Variants in NUAK1 observed in about 807,000 individuals in gnomAD.
NUAK1 encodes the protein NUAK family SNF1-like kinase 1.
Under a neutral mutation model 56.9 loss-of-function variants are expected in NUAK1, and 26 were observed. The observed-to-expected ratio is 0.46, with a 90% confidence interval of 0.33 to 0.63. The LOEUF (loss-of-function observed/expected upper bound fraction) is 0.63. NUAK1 is among the 30% of genes least tolerant of loss of function. NUAK1 has a pLI of 0.02. For synonymous variants in NUAK1, 337 were observed against 336.0 expected (o/e 1.00, Z -0.03); for missense variants, 727 against 876.1 (o/e 0.83, Z 2.15).
At chr12:106,084,143 T>C in intron 3 of NUAK1, 1 of 567,906 alleles carries the variant, frequency 1.8e-6, no homozygotes, top group Non-Finnish European at 3.2e-6. Flanking sequence ...ATTAGTCACT[T>C]GCTGTGTGGT....
intron 1 of NUAK1, among the ~76,000 whole-genome samples, chr12:106,108,471 C>T (rs553757372): frequency 6.6e-6 from 1 of 151,846 alleles, no homozygotes; most frequent in African/African-American, 2.4e-5. Flanking sequence ...TCACCACAGC[C>T]CCATTCAGTA....
At chr12:106,131,418 C>T (rs1407610614) in intron 1 of NUAK1, among the ~76,000 whole-genome samples, 3 of 152,206 alleles carry the variant, frequency 2.0e-5, no homozygotes. Context: ...GTGGACATTA[C>T]ATACAAATGG....
chr12:106,129,986 T>TTC (rs1555224873), intron 1 of NUAK1, among the ~76,000 whole-genome samples: 5 of 152,062 alleles, frequency 3.3e-5, no homozygotes, highest in African/African-American at 1.2e-4. Context: ...CCTTTTTTTT[T>TTC]TCTCTCTCTC....
intron 2 of NUAK1, among the ~76,000 whole-genome samples, chr12:106,090,080 A>G (rs1300736743): frequency 1.3e-5 from 2 of 152,134 alleles, no homozygotes; most frequent in South Asian, 2.1e-4. Flanking sequence ...GGCCATTTCA[A>G]TCCTCCTATT....
chr12:106,072,806 T>A lies in NUAK1; in HGVS notation c.617A>T (p.Asp206Val). The change falls in exon 5 of 7, where the codon GAT (aspartate) becomes GTT (valine). Residue 206 changes from aspartate (D) to valine (V), a missense_variant. Transcript: ENST00000261402. ...CCCACAAAACGTTTGTAAGAACTTA[T>A]CCTTCTGGTACAGGTTGGAAAGCCC... The part of the protein sequence containing the change: ...DFGLSNLYQK[D>V]KFLQTFCGSP... 1 of 1,614,128 alleles carries A rather than the reference T, an allele frequency of 6.2e-7. No homozygotes were observed. Among genetic ancestry groups the A allele is most frequent in the Non-Finnish European group, 8.5e-7 (1 of 1,179,986 alleles).
intron 2 of NUAK1, among the ~76,000 whole-genome samples, chr12:106,098,701 A>G (rs1302359436): frequency 1.3e-5 from 2 of 152,018 alleles, no homozygotes; most frequent in African/African-American, 2.4e-5. Flanking sequence ...TCAATTTTAT[A>G]TGCCGGACTG....
intron 1 of NUAK1, among the ~76,000 whole-genome samples, chr12:106,111,744 A>C (rs1263067289): frequency 6.6e-6 from 1 of 152,078 alleles, no homozygotes; most frequent in Non-Finnish European, 1.5e-5. Context: ...TTTTTAAATC[A>C]GTGGCAATAT....
chr12:106,136,205 G>T (rs2033128172), intron 1 of NUAK1, among the ~76,000 whole-genome samples: 1 of 152,164 alleles, frequency 6.6e-6, no homozygotes, highest in Admixed American at 6.5e-5. Context: ...CTGGGCGTGG[G>T]TCTGCTGCCA....
At position 106,138,484 on chromosome 12, in the gene NUAK1, A is replaced by G; in HGVS notation, c.170T>C (p.Leu57Pro). 4 of 1,613,466 alleles carry G rather than the reference A, an allele frequency of 2.5e-6. No homozygotes were observed. Among genetic ancestry groups the G allele is most frequent in the Non-Finnish European group, 3.4e-6 (4 of 1,179,826 alleles). Residue 57 changes from leucine (L) to proline (P), a missense_variant, in exon 1 of 7, where the codon CTG becomes CCG. Leu to Pro is a moderately conservative substitution (Grantham distance 98). Transcript: ENST00000261402. The surrounding 1 kb of genome is among the most constrained non-coding windows in gnomAD (Gnocchi z 5.0). ...GGTGCCTTTGCCCAGGGTCTCCTGC[A>G]GCTCGTAGCGGTGCTTCAAGTTGTG... Reference protein sequence around the residue: ...HKHNLKHRYELQETLGKGTYG... With the variant: ...HKHNLKHRYEPQETLGKGTYG...
Position 106,070,663 on chromosome 12 carries a change from G to A in NUAK1, c.832+111C>T, listed in dbSNP as rs953358570. ...TGACACTTCTGGGAAGAAGAAAGAG[G>A]AAAACCAGGTGACTCCAGACAGACA... On this transcript the variant is annotated intron_variant, in intron 6 of 6. Transcript: ENST00000261402. 5 of 1,390,940 alleles carry A rather than the reference G, an allele frequency of 3.6e-6. No homozygotes were observed. The Admixed American group carries it at 7.6e-5, about 21-fold the overall frequency. The allele number at this position is 1,390,940 out of a possible 1,614,324, so 86.2% of individuals were successfully genotyped here.
At chr12:106,072,039 C>T (rs1370843348) in intron 5 of NUAK1, among the ~76,000 whole-genome samples, 3 of 152,170 alleles carry the variant, frequency 2.0e-5, no homozygotes, top group African/African-American at 7.2e-5. Context: ...TTTCCATATA[C>T]CCATATCTTA....
chr12:106,073,708 C>T (rs1445647173), intron 4 of NUAK1, among the ~76,000 whole-genome samples: 1 of 152,028 alleles, frequency 6.6e-6, no homozygotes, highest in Non-Finnish European at 1.5e-5. Flanking sequence ...ATCTCAGCTA[C>T]TCGGGAGGCT....
Position 106,070,853 on chromosome 12 carries a change from C to A in NUAK1, c.753G>T (p.Met251Ile), listed in dbSNP as rs1375549777. The part of the protein sequence containing the change: ...VLLYTLVYGT[M>I]PFDGFDHKNL... Reference sequence around the variant, plus strand: ...TTTTGTGATCGAAACCATCGAAGGGCATTGTTCCATAAACAAGAGTGTAAA... The same window carrying A: ...TTTTGTGATCGAAACCATCGAAGGGAATTGTTCCATAAACAAGAGTGTAAA... The change falls in exon 6 of 7, where the codon ATG (methionine) becomes ATT (isoleucine). Residue 251 changes from methionine (M) to isoleucine (I), a missense_variant. Transcript: ENST00000261402. 2 of 1,614,042 alleles carry A rather than the reference C, an allele frequency of 1.2e-6. No homozygotes were observed. The highest frequency in any genetic ancestry group is 2.7e-5 in the African/African-American group (2 of 74,914).
chr12:106,109,098 G>T lies in NUAK1; in HGVS notation c.241-2573C>A, dbSNP rs148927666. Among the ~76,000 whole-genome samples the T allele has an allele frequency of 5.5e-3, 839 of 152,318 alleles. 7 individuals carry two copies. The highest frequency in any genetic ancestry group is 0.019 in the African/African-American group (789 of 41,574). On this transcript the variant is annotated intron_variant, in intron 1 of 6. Transcript: ENST00000261402. Reference sequence around the variant, plus strand: ...TCAAAGGGGTGACAGGAAGTCAGGAGGAGACAAATGCTAGAAATCACTCTC... The same window carrying T: ...TCAAAGGGGTGACAGGAAGTCAGGATGAGACAAATGCTAGAAATCACTCTC...
chr12:106,068,079 G>C (rs3741885), intron 6 of NUAK1, 124 bp from the exon 7 acceptor site: 90,499 of 883,768 alleles, frequency 0.1, 8,689 homozygotes, highest in East Asian at 0.5. Context: ...CTGGAGACCT[G>C]GTCCAGCCAC....
Position 106,067,511 on chromosome 12 carries a change from G to C in NUAK1, c.1277C>G (p.Pro426Arg). 1 of 1,614,168 alleles carries C rather than the reference G, an allele frequency of 6.2e-7. No individual in the cohort carries two copies. The highest frequency in any genetic ancestry group is 2.2e-5 in the East Asian group (1 of 44,874). ...GTCCTGCTCCATCTTGAAAGTAGAGGGTAAGGCAGGACCAACTACACCTTC... is the reference window on the plus strand; with the variant it reads ...GTCCTGCTCCATCTTGAAAGTAGAGCGTAAGGCAGGACCAACTACACCTTC... ...FIEGVVGPAL[P>R]STFKMEQDLC... Residue 426 changes from proline (P) to arginine (R), a missense_variant, in exon 7 of 7, where the codon CCC becomes CGC. Coordinates refer to ENST00000261402, the MANE Select transcript of NUAK1 (RefSeq NM_014840.3). The surrounding 1 kb of genome is among the most constrained non-coding windows in gnomAD (Gnocchi z 6.0).
In NUAK1 at chr12:106,066,255, C is replaced by A; in HGVS notation, c.*547G>T. On this transcript the variant is annotated 3_prime_UTR_variant, in exon 7 of 7. Transcript: ENST00000261402. ...CCATTACTAGTCAATCACAGCACTCCTTCCCCATGATGTGGGCCACTTACG... is the reference window on the plus strand; with the variant it reads ...CCATTACTAGTCAATCACAGCACTCATTCCCCATGATGTGGGCCACTTACG... 6.3e-6 allele frequency: 1 copy of A among 159,250 alleles called. No homozygotes were observed. The highest frequency in any genetic ancestry group is 1.4e-5 in the Non-Finnish European group (1 of 71,966). The allele number at this position is 159,250 out of a possible 1,614,324, so 9.9% of individuals were successfully genotyped here. A position where few individuals can be genotyped will look rare whatever the true frequency, so the allele number is the denominator to read the frequency against.
chr12:106,118,926 T>C (rs2032947010), intron 1 of NUAK1, among the ~76,000 whole-genome samples: 1 of 152,214 alleles, frequency 6.6e-6, no homozygotes, highest in South Asian at 2.1e-4. Flanking sequence ...AGATTTATGC[T>C]CCTTGCATCT....
At chr12:106,136,889 T>G (rs1415529164) in intron 1 of NUAK1, among the ~76,000 whole-genome samples, 1 of 152,154 alleles carries the variant, frequency 6.6e-6, no homozygotes, top group East Asian at 1.9e-4. Flanking sequence ...AAACCTGAAA[T>G]TGCCTTCATC....
Sources: allele counts gnomAD v4.1 joint callset (sites outside exome capture counted in the v4.1 genomes callset), GRCh38; gene constraint gnomAD v4.1.1; non-coding constraint Gnocchi (gnomAD v3.1); transcripts MANE v1.5; gene names NCBI Gene and HGNC (gene_info 2026-07-23, HGNC 2026-07-21).